Variants in LAMC1 observed in about 807,000 individuals in gnomAD.
The protein encoded by LAMC1 is laminin subunit gamma 1, also known as laminin subunit gamma-1.
A neutral mutation model predicts 173.6 loss-of-function variants in LAMC1; 38 were observed. That is an observed-to-expected ratio of 0.22 (90% CI 0.17 to 0.29). The LOEUF (loss-of-function observed/expected upper bound fraction) is 0.29. Among genes scored for constraint, LAMC1 ranks in the 10% least tolerant of loss-of-function variants. LAMC1 has a pLI of 1.00. For synonymous variants in LAMC1, 746 were observed against 749.1 expected (o/e 1.00, Z 0.07); for missense variants, 1,824 against 2,051.8 (o/e 0.89, Z 2.14).
intron 2 of LAMC1, 103 bp downstream of exon 2, chr1:183,103,735 G>T (rs761529514): frequency 6.1e-6 from 6 of 984,148 alleles, no homozygotes; most frequent in East Asian, 2.5e-5. Flanking sequence ...GAGGTACGGG[G>T]TCAGAGTAGA....
At chr1:183,038,348 C>G (rs1654037367) in intron 1 of LAMC1, among the ~76,000 whole-genome samples, 1 of 152,172 alleles carries the variant, frequency 6.6e-6, no homozygotes, top group Non-Finnish European at 1.5e-5. Flanking sequence ...TTTAAATGCC[C>G]TTGCTCAGTT....
chr1:183,057,150 A>C (rs1654617907), intron 1 of LAMC1, among the ~76,000 whole-genome samples: 1 of 152,206 alleles, frequency 6.6e-6, no homozygotes, highest in Non-Finnish European at 1.5e-5. Context: ...TCCCCACAAG[A>C]ACTAAAAGGA....
chr1:183,111,092 CTTTTCTTTTTT>C (rs1481992811), intron 4 of LAMC1, among the ~76,000 whole-genome samples: 1 of 131,148 alleles, frequency 7.6e-6, no homozygotes, highest in Non-Finnish European at 1.7e-5. Flanking sequence ...TTTCTTTTTT[CTTTTCTTTTTT>C]TTTTTTTGAG....
Position 183,082,696 on chromosome 1 carries a change from G to A in LAMC1, c.419-20632G>A, listed in dbSNP as rs554379828. On this transcript the variant is annotated intron_variant, in intron 1 of 27. Transcript: ENST00000258341. ...GCACTGATGTGCTTTCATTATATTA[G>A]TATTGGTGATGAAAGTATCTTTGTC... is the stretch of plus-strand genomic sequence containing the variant. Among the ~76,000 whole-genome samples the A allele has an allele frequency of 2.1e-4, 32 of 152,300 alleles. No homozygotes were observed. The South Asian group carries it at 6.4e-3, about 31-fold the overall frequency.
intron 1 of LAMC1, among the ~76,000 whole-genome samples, chr1:183,049,415 T>A (rs1571408344): frequency 6.6e-6 from 1 of 152,140 alleles, no homozygotes; most frequent in Non-Finnish European, 1.5e-5. Flanking sequence ...TATTCTTGAT[T>A]TATTTTCTTG....
chr1:183,034,908 G>C (rs569089610), intron 1 of LAMC1, among the ~76,000 whole-genome samples: 1 of 152,140 alleles, frequency 6.6e-6, no homozygotes. Flanking sequence ...TGTTAGCCCC[G>C]GGGAAGAATA....
chr1:183,065,846 T>C (rs1423991622), intron 1 of LAMC1, among the ~76,000 whole-genome samples: 1 of 152,158 alleles, frequency 6.6e-6, no homozygotes, highest in African/African-American at 2.4e-5. Context: ...GCTGGGTGAT[T>C]TGGGTTCAAA....
chr1:183,116,772 A>G lies in LAMC1; in HGVS notation c.1433A>G (p.Lys478Arg). 6.2e-7 allele frequency: 1 copy of G among 1,613,930 alleles called. No homozygotes were observed. Among genetic ancestry groups the G allele is most frequent in the Non-Finnish European group, 8.5e-7 (1 of 1,179,938 alleles). Residue 478 changes from lysine to arginine, a missense_variant, in exon 8 of 28, where the codon AAA becomes AGA. Coordinates refer to ENST00000258341, the MANE Select transcript of LAMC1 (RefSeq NM_002293.4). ...TGTGTCTTAATCTTTTTCAGATGCA[A>G]ACCTGGATTTTTTAATCTGGAATCA... ...NVEGFNCERCKPGFFNLESSN... is the reference protein window; with the variant it reads ...NVEGFNCERCRPGFFNLESSN...
intron 19 of LAMC1, 62 bp from the exon 20 acceptor site, chr1:183,131,237 C>G (rs1656776708): frequency 8.2e-7 from 1 of 1,216,212 alleles, no homozygotes; most frequent in Non-Finnish European, 1.2e-6. Context: ...AGTTTTGACT[C>G]TTGCTTTATT....
intron 1 of LAMC1, among the ~76,000 whole-genome samples, chr1:183,093,290 A>C (rs1655611114): frequency 6.6e-6 from 1 of 152,214 alleles, no homozygotes; most frequent in Non-Finnish European, 1.5e-5. Context: ...CAGGTTGCCA[A>C]ATCCAGTAGC....
At chr1:183,045,806 A>G (rs543853971) in intron 1 of LAMC1, among the ~76,000 whole-genome samples, 135 of 152,166 alleles carry the variant, frequency 8.9e-4, no homozygotes, top group South Asian at 1.7e-3. Context: ...GTTGATCCAC[A>G]TTGGGTATTG....
At position 183,142,559 on chromosome 1, in the gene LAMC1, T is replaced by A; in HGVS notation, c.4599T>A (p.Asn1533Lys). 3 of 1,613,430 alleles carry A rather than the reference T, an allele frequency of 1.9e-6. No individual in the cohort carries two copies. The South Asian group carries it at 3.3e-5, about 18-fold the overall frequency. The change falls in exon 28 of 28, where the codon AAT becomes AAA. Residue 1533 changes from asparagine (N) to lysine (K), a missense_variant. By Grantham distance (94) the Asn-to-Lys change is moderately conservative. Coordinates refer to ENST00000258341, the MANE Select transcript of LAMC1 (RefSeq NM_002293.4). ...QLGQLDTVDLNKLNEIEGTLN... is the reference protein window; with the variant it reads ...QLGQLDTVDLKKLNEIEGTLN... Reference sequence around the variant, plus strand: ...GGCAGCTGGATACAGTGGACCTGAATAAGCTAAACGAGATTGAAGGCACCC... The same window carrying A: ...GGCAGCTGGATACAGTGGACCTGAAAAAGCTAAACGAGATTGAAGGCACCC...
At chr1:183,094,381 T>C (rs1161786142) in intron 1 of LAMC1, among the ~76,000 whole-genome samples, 1 of 152,230 alleles carries the variant, frequency 6.6e-6, no homozygotes, top group Non-Finnish European at 1.5e-5. Flanking sequence ...TATTCCCACT[T>C]CGTTTTTCAC....
Position 183,136,386 on chromosome 1 carries a change from A to G in LAMC1, c.4115A>G (p.Asp1372Gly), listed in dbSNP as rs780981634. ...EANDILNNLK[D>G]FDRRVNDNKT... The stretch of plus-strand genomic sequence containing the variant: ...AAATGTGTCCTTGAACTTGTTTCAG[A>G]TTTTGATAGGCGTGTGAACGATAAC... The change falls in exon 25 of 28, where the codon GAT becomes GGT. Residue 1372 changes from aspartate to glycine, a missense_variant and splice_region_variant. Physicochemically the swap from Asp to Gly is moderately conservative, Grantham distance 94 (BLOSUM62 -1). Transcript: ENST00000258341. 4 of 1,613,962 alleles carry G rather than the reference A, an allele frequency of 2.5e-6. No homozygotes were observed. Among genetic ancestry groups the G allele is most frequent in the South Asian group, 1.1e-5 (1 of 91,026 alleles).
chr1:183,143,477 C>G lies in LAMC1; in HGVS notation c.*687C>G, dbSNP rs183701964. 47 of 152,570 alleles carry G rather than the reference C, an allele frequency of 3.1e-4. No individual in the cohort carries two copies. The East Asian group carries it at 6.9e-3, about 23-fold the overall frequency. The allele number at this position is 152,570 out of a possible 1,614,324, so 9.5% of individuals were successfully genotyped here. A position where few individuals can be genotyped will look rare whatever the true frequency, so the allele number is the denominator to read the frequency against. On this transcript the variant is annotated 3_prime_UTR_variant, in exon 28 of 28. Coordinates refer to ENST00000258341, the MANE Select transcript of LAMC1 (RefSeq NM_002293.4). Reference sequence around the variant, plus strand: ...ATTTTTCTAGTATATTAATAATTGACTAGGAAGATGAACTTTTTTTCAGAT... The same window carrying G: ...ATTTTTCTAGTATATTAATAATTGAGTAGGAAGATGAACTTTTTTTCAGAT...
intron 1 of LAMC1, among the ~76,000 whole-genome samples, chr1:183,036,767 T>G (rs4338322): frequency 8.4e-6 from 1 of 119,290 alleles, no homozygotes. Context: ...TTGTTTTCTT[T>G]TTTTGTTTTG....
Position 183,108,351 on chromosome 1 carries a change from C to T in LAMC1, c.799C>T (p.Pro267Ser), listed in dbSNP as rs1245492535. ...TTTTGGAGATGAAGTGTTTAACGAT[C>T]CCAAAGTTCTCAAGTCCTATTATTA... ...NTFGDEVFND[P>S]KVLKSYYYAI... Residue 267 changes from proline to serine, a missense_variant, in exon 3 of 28, where the codon CCC becomes TCC. By Grantham distance (74) the Pro-to-Ser change is moderately conservative (BLOSUM62 -1). Transcript: ENST00000258341. 1 of 1,613,528 alleles carries T rather than the reference C, an allele frequency of 6.2e-7. No individual in the cohort carries two copies. The highest frequency in any genetic ancestry group is 8.5e-7 in the Non-Finnish European group (1 of 1,179,574).
At chr1:183,059,782 T>C (rs2102030669) in intron 1 of LAMC1, among the ~76,000 whole-genome samples, 1 of 152,304 alleles carries the variant, frequency 6.6e-6, no homozygotes, top group Admixed American at 6.5e-5. Context: ...GGCATATTCG[T>C]AGGAAACCAC....
At chr1:183,038,219 A>T (rs148214153) in intron 1 of LAMC1, among the ~76,000 whole-genome samples, 1 of 152,008 alleles carries the variant, frequency 6.6e-6, no homozygotes, top group Non-Finnish European at 1.5e-5. Flanking sequence ...TATTTTTAAT[A>T]AAGATGGGGT....
Sources: gnomAD v4.1 joint callset for allele counts (sites outside exome capture counted in the v4.1 genomes callset) on GRCh38, gnomAD v4.1.1 for gene constraint, MANE v1.5 for transcripts, NCBI Gene and HGNC (gene_info 2026-07-23, HGNC 2026-07-21) for gene names.